Variants in MCCC2 observed in about 807,000 individuals in gnomAD.
MCCC2 encodes methylcrotonoyl-CoA carboxylase beta chain, mitochondrial.
A neutral mutation model predicts 77.2 loss-of-function variants in MCCC2; 52 were observed. That is an observed-to-expected ratio of 0.67 (90% CI 0.54 to 0.85). MCCC2 has a LOEUF of 0.85. Among genes scored for constraint, MCCC2 ranks in the 40% least tolerant of loss-of-function variants. The probability of loss-of-function intolerance (pLI) is 0.00; values close to 1 mark genes in which losing one functional copy is unlikely to be tolerated. For synonymous variants in MCCC2, 253 were observed against 248.4 expected (o/e 1.02, Z -0.18); for missense variants, 682 against 703.2 (o/e 0.97, Z 0.34).
At chr5:71,643,943 T>C in intron 12 of MCCC2, 48 bp downstream of exon 12, 2 of 1,610,582 alleles carry the variant, frequency 1.2e-6, no homozygotes, top group Non-Finnish European at 1.7e-6. Flanking sequence ...TAATTTAACA[T>C]AACGTTGAAG....
In MCCC2 at chr5:71,587,491, C is replaced by T. The variant is rs1334191182; in HGVS notation, c.66C>T (p.Ala22=). The part of the protein sequence containing the change: ...CARASPAGPR[A]YHGDSVASLG... ...GCGCCTCTCCCGCCGGGCCGCGCGC[C>T]TATCACGGGGACTCGGTGGCCTCGC... Residue 22 remains alanine, a synonymous_variant, in exon 1 of 17, where the codon GCC becomes GCT. Transcript: ENST00000340941. The T allele has an allele frequency of 6.5e-7, 1 of 1,537,948 alleles. No homozygotes were observed. Among genetic ancestry groups the T allele is most frequent in the South Asian group, 1.2e-5 (1 of 84,056 alleles).
In MCCC2 at chr5:71,649,234, A is replaced by C. The variant is rs765689621; in HGVS notation, c.1354A>C (p.Met452Leu). The stretch of plus-strand genomic sequence containing the variant: ...CTCCTATGGAGCCGGAAACTATGGG[A>C]TGTGTGGCAGAGCATATAGGTAGGT... ...GGSYGAGNYG[M>L]CGRAYSPRFL... The change falls in exon 14 of 17, where the codon ATG becomes CTG. Residue 452 changes from methionine (M) to leucine (L), a missense_variant. By Grantham distance (15) the Met-to-Leu change is conservative (BLOSUM62 2). Coordinates refer to ENST00000340941, the MANE Select transcript of MCCC2 (RefSeq NM_022132.5). 1.2e-6 allele frequency: 2 copies of C among 1,614,156 alleles called. No individual in the cohort carries two copies. Among genetic ancestry groups the C allele is most frequent in the South Asian group, 2.2e-5 (2 of 91,086 alleles).
intron 1 of MCCC2, 112 bp from the exon 2 acceptor site, chr5:71,592,814 C>T (rs1051601567): frequency 2.3e-4 from 201 of 858,056 alleles, no homozygotes; most frequent in Non-Finnish European, 3.5e-4. Flanking sequence ...GTGTGGCGGC[C>T]ACACAGAGTT....
chr5:71,619,519 A>T (rs1746291479), intron 6 of MCCC2, among the ~76,000 whole-genome samples: 1 of 151,710 alleles, frequency 6.6e-6, no homozygotes, highest in Non-Finnish European at 1.5e-5. Context: ...GGCCTCCCAA[A>T]GTGCTGGGAT....
rs773335215 is a variant in MCCC2 at position 71,592,966 on chromosome 5, A to G, written c.170A>G (p.His57Arg). 1.7e-5 allele frequency: 27 copies of G among 1,613,566 alleles called. No individual in the cohort carries two copies. In the Middle Eastern group the frequency reaches 8.2e-4, roughly 49 times the overall value. Residue 57 changes from histidine (H) to arginine (R), a missense_variant, in exon 2 of 17, where the codon CAT becomes CGT. Transcript: ENST00000340941. ...ATGAAAGCACTAGTAAATCAGCTCC[A>G]TGAACGAGTGGAGCATATAAAACTA... ...KQMKALVNQL[H>R]ERVEHIKLGG...
chr5:71,610,110 T>C (rs1015329976), intron 6 of MCCC2, among the ~76,000 whole-genome samples: 17 of 152,266 alleles, frequency 1.1e-4, no homozygotes, highest in African/African-American at 3.4e-4. Context: ...TCGAGCTTCC[T>C]GGCTGCTTTG....
chr5:71,622,432 A>G (rs1746384215), intron 6 of MCCC2, among the ~76,000 whole-genome samples: 1 of 152,164 alleles, frequency 6.6e-6, no homozygotes, highest in Non-Finnish European at 1.5e-5. Flanking sequence ...AAATTTTTTT[A>G]CAGCTTCGTT....
chr5:71,596,833 G>A (rs1185147749), intron 3 of MCCC2, among the ~76,000 whole-genome samples: 1 of 152,054 alleles, frequency 6.6e-6, no homozygotes, highest in Admixed American at 6.6e-5. Context: ...CCAGCTACTC[G>A]GGAGGCTGAG....
intron 13 of MCCC2, among the ~76,000 whole-genome samples, chr5:71,648,208 AG>A (rs1424589883): frequency 6.6e-6 from 1 of 152,210 alleles, no homozygotes; most frequent in Non-Finnish European, 1.5e-5. Flanking sequence ...TTGGCAAACC[AG>A]GGATAGTGGC....
intron 6 of MCCC2, among the ~76,000 whole-genome samples, chr5:71,608,447 T>C (rs1352933683): frequency 1.4e-5 from 2 of 141,086 alleles, no homozygotes; most frequent in Admixed American, 1.5e-4. Context: ...TCCTCCATCC[T>C]TTTATTTTGA....
chr5:71,619,177 A>G (rs577241286), intron 6 of MCCC2, among the ~76,000 whole-genome samples: 36 of 152,008 alleles, frequency 2.4e-4, no homozygotes, highest in African/African-American at 8.4e-4. Flanking sequence ...TTTGAAATGT[A>G]TCTTGTTGGT....
intron 6 of MCCC2, among the ~76,000 whole-genome samples, chr5:71,611,036 G>A (rs1436693052): frequency 6.6e-6 from 1 of 151,964 alleles, no homozygotes; most frequent in Admixed American, 6.6e-5. Flanking sequence ...AAAAAGAAAG[G>A]GCTCCAGTAA....
chr5:71,640,998 C>G lies in MCCC2; in HGVS notation c.1000-5C>G. ...TCTCAAGGCCATTGTTGTTTTTCCT[C>G]TTAGGTCATTGCTAGAATCGTGGAT... is the stretch of plus-strand genomic sequence containing the variant. On this transcript the variant is annotated splice_polypyrimidine_tract_variant and splice_region_variant and intron_variant, in intron 10 of 16. Transcript: ENST00000340941. 6.2e-7 allele frequency: 1 copy of G among 1,613,760 alleles called. No individual in the cohort carries two copies. Among genetic ancestry groups the G allele is most frequent in the Non-Finnish European group, 8.5e-7 (1 of 1,179,676 alleles).
intron 1 of MCCC2, among the ~76,000 whole-genome samples, chr5:71,589,525 C>T (rs1474227157): frequency 6.6e-6 from 1 of 152,204 alleles, no homozygotes; most frequent in African/African-American, 2.4e-5. Context: ...GGCACAGGAG[C>T]AAGAGGCTGA....
At chr5:71,604,256 G>C (rs1328788108) in intron 5 of MCCC2, 100 bp from the exon 6 acceptor site, 1 of 1,039,094 alleles carries the variant, frequency 9.6e-7, no homozygotes, top group African/African-American at 1.6e-5. Flanking sequence ...AGTTTTTTGT[G>C]AATGTGATTA....
intron 6 of MCCC2, among the ~76,000 whole-genome samples, chr5:71,610,149 G>A (rs1172206554): frequency 6.6e-5 from 10 of 152,340 alleles, no homozygotes; most frequent in East Asian, 1.9e-4. Flanking sequence ...GGGCAATGGC[G>A]AGCGCCCCTC....
At position 71,646,208 on chromosome 5, in the gene MCCC2, T is replaced by C. The variant is rs1747269246; in HGVS notation, c.1150-3T>C. ...AAAAGATTTTTATGTTATTTGCTTATAGGGTACTCACTTTGTCCAGTTATG... is the reference window on the plus strand; with the variant it reads ...AAAAGATTTTTATGTTATTTGCTTACAGGGTACTCACTTTGTCCAGTTATG... On this transcript the variant is annotated splice_region_variant and splice_polypyrimidine_tract_variant and intron_variant, in intron 12 of 16. Coordinates refer to ENST00000340941, the MANE Select transcript of MCCC2 (RefSeq NM_022132.5). 4 of 1,612,906 alleles carry C rather than the reference T, an allele frequency of 2.5e-6. No homozygotes were observed. The African/African-American group carries it at 4.0e-5, about 16-fold the overall frequency.
intron 1 of MCCC2, 93 bp from the exon 2 acceptor site, chr5:71,592,833 C>T (rs753050953): frequency 9.9e-7 from 1 of 1,010,194 alleles, no homozygotes; most frequent in African/African-American, 1.6e-5. Flanking sequence ...TTGGCACAGA[C>T]CACTGTTTTT....
intron 6 of MCCC2, among the ~76,000 whole-genome samples, chr5:71,613,670 A>C (rs994345797): frequency 1.3e-5 from 2 of 152,098 alleles, no homozygotes; most frequent in African/African-American, 4.8e-5. Context: ...CAGGAGGTTG[A>C]AGCTTCAGTG....
Sources: allele counts gnomAD v4.1 joint callset (sites outside exome capture counted in the v4.1 genomes callset), GRCh38; gene constraint gnomAD v4.1.1; transcripts MANE v1.5; gene names NCBI Gene and HGNC (gene_info 2026-07-23, HGNC 2026-07-21).